PRKAG2: variants seen among roughly 807,000 people sequenced by gnomAD.
PRKAG2 encodes the protein 5'-AMP-activated protein kinase subunit gamma-2.
A neutral mutation model predicts 69.6 loss-of-function variants in PRKAG2; 26 were observed. The observed-to-expected ratio is 0.37, with a 90% confidence interval of 0.27 to 0.52. The LOEUF (loss-of-function observed/expected upper bound fraction) is 0.52, where lower values mean the gene tolerates loss of function less well. Ranked by LOEUF, PRKAG2 falls within the 20% of genes least tolerant of loss-of-function variation. PRKAG2 has a pLI of 0.90. For synonymous variants in PRKAG2, 293 were observed against 285.0 expected (o/e 1.03, Z -0.28); for missense variants, 557 against 740.0 (o/e 0.75, Z 2.87).
intron 3 of PRKAG2, among the ~76,000 whole-genome samples, chr7:151,765,613 A>G (rs1178619989): frequency 6.6e-6 from 1 of 152,178 alleles, no homozygotes; most frequent in African/African-American, 2.4e-5. Flanking sequence ...GACACCAGTC[A>G]TTCTGGACTG....
chr7:151,710,343 C>G (rs55791829), intron 3 of PRKAG2, among the ~76,000 whole-genome samples: 31,940 of 152,168 alleles, frequency 0.21, 3,882 homozygotes, highest in Non-Finnish European at 0.28. Flanking sequence ...TCTCGCCCCC[C>G]GCCCTGAGGC....
intron 1 of PRKAG2, among the ~76,000 whole-genome samples, chr7:151,861,527 C>CAAAAAAAAAAAA (rs1563762540): frequency 3.3e-5 from 2 of 60,392 alleles, no homozygotes; most frequent in Admixed American, 1.8e-4. Flanking sequence ...GACTCTGTCT[C>CAAAAAAAAAAAA]CAAAAAAAAA....
intron 5 of PRKAG2, among the ~76,000 whole-genome samples, chr7:151,616,630 G>A (rs748806099): frequency 5.3e-5 from 8 of 152,252 alleles, no homozygotes; most frequent in Non-Finnish European, 1.0e-4. Context: ...CCGCCCTGCA[G>A]GAGTGTTTGG....
chr7:151,789,471 A>G (rs1224412903), intron 1 of PRKAG2, among the ~76,000 whole-genome samples: 1 of 152,050 alleles, frequency 6.6e-6, no homozygotes, highest in Non-Finnish European at 1.5e-5. Context: ...TATTGTCCAA[A>G]TTGTTCAGCC....
At position 151,873,182 on chromosome 7, in the gene PRKAG2, A is replaced by G. The variant is rs114278629; in HGVS notation, c.114+3325T>C. Among the ~76,000 whole-genome samples, 708 of 152,266 alleles carry G rather than the reference A, an allele frequency of 4.6e-3. 5 individuals are homozygous for G. The highest frequency in any genetic ancestry group is 0.016 in the African/African-American group (679 of 41,536). On this transcript the variant is annotated intron_variant, in intron 1 of 15. Coordinates refer to ENST00000287878, the MANE Select transcript of PRKAG2 (RefSeq NM_016203.4). ...CTAGCTCTCAAACCCTTTCGCCAGG[A>G]GGCGTGGCTCTTCACCTGGAAGCAG...
intron 1 of PRKAG2, among the ~76,000 whole-genome samples, chr7:151,802,181 A>T (rs1368139661): frequency 6.6e-6 from 1 of 152,250 alleles, no homozygotes; most frequent in Non-Finnish European, 1.5e-5. Context: ...CTAGAGCCAG[A>T]GGACCGTCCC....
intron 3 of PRKAG2, among the ~76,000 whole-genome samples, chr7:151,757,235 T>C (rs1196226650): frequency 6.6e-6 from 1 of 152,208 alleles, no homozygotes; most frequent in African/African-American, 2.4e-5. Flanking sequence ...ACAAAACCTT[T>C]GGCATTTTAT....
chr7:151,641,563 A>G (rs1031136046), intron 4 of PRKAG2, among the ~76,000 whole-genome samples: 6 of 146,116 alleles, frequency 4.1e-5, no homozygotes, highest in African/African-American at 1.3e-4. Flanking sequence ...TTTCTTTTTT[A>G]AGAGACTGGG....
In PRKAG2 at chr7:151,860,897, C is replaced by T. The variant is rs78986229; in HGVS notation, c.114+15610G>A. ...TGTGGTAGAGGGAGGTGCAGGCAGA[C>T]GAGACTCCAAGGACCCTAAAGTCCC... is the stretch of plus-strand genomic sequence containing the variant. On this transcript the variant is annotated intron_variant, in intron 1 of 15. Coordinates refer to ENST00000287878, the MANE Select transcript of PRKAG2 (RefSeq NM_016203.4). 2.4e-4 allele frequency among the ~76,000 whole-genome samples: 36 copies of T among 152,168 alleles called. No individual in the cohort carries two copies. The East Asian group carries it at 5.8e-3, about 25-fold the overall frequency.
At chr7:151,837,904 GCAGA>G (rs1563742657) in intron 1 of PRKAG2, among the ~76,000 whole-genome samples, 2 of 152,170 alleles carry the variant, frequency 1.3e-5, no homozygotes, top group Admixed American at 6.5e-5. Context: ...CGGGATCTGA[GCAGA>G]CAGTCACTCC....
intron 3 of PRKAG2, among the ~76,000 whole-genome samples, chr7:151,776,824 G>C (rs1255753878): frequency 6.6e-6 from 1 of 152,200 alleles, no homozygotes; most frequent in East Asian, 1.9e-4. Flanking sequence ...GTGGATTAGG[G>C]GCACAGGGGT....
Position 151,556,616 on chromosome 7 carries a change from T to C in PRKAG2, c.*585A>G, listed in dbSNP as rs1320625964. On this transcript the variant is annotated 3_prime_UTR_variant, in exon 16 of 16. Coordinates refer to ENST00000287878, the MANE Select transcript of PRKAG2 (RefSeq NM_016203.4). ...TGAAAGTAAAAATAAATAAAGCTGT[T>C]GTAAAGCAGCCTCGTTGACACGGTA... The C allele has an allele frequency of 6.6e-6, 1 of 152,580 alleles. No individual in the cohort carries two copies. The highest frequency in any genetic ancestry group is 2.4e-5 in the African/African-American group (1 of 41,474). The allele number at this position is 152,580 out of a possible 1,614,324, so 9.5% of individuals were successfully genotyped here.
intron 1 of PRKAG2, among the ~76,000 whole-genome samples, chr7:151,821,924 C>T (rs1449753569): frequency 1.3e-5 from 2 of 152,186 alleles, no homozygotes; most frequent in East Asian, 1.9e-4. Flanking sequence ...CACACATACA[C>T]ACACGCGCAC....
chr7:151,676,393 G>A (rs1490554912), intron 3 of PRKAG2, among the ~76,000 whole-genome samples: 2 of 152,140 alleles, frequency 1.3e-5, no homozygotes, highest in African/African-American at 4.8e-5. Flanking sequence ...TTCAGGGAAA[G>A]GGTGGGACTG....
intron 1 of PRKAG2, chr7:151,810,256 C>T (rs978124980): frequency 6.6e-6 from 1 of 152,186 alleles, no homozygotes. Flanking sequence ...ACTTGGCCAA[C>T]GCAGCTTGCA....
chr7:151,793,644 T>C (rs2077364129), intron 1 of PRKAG2, among the ~76,000 whole-genome samples: 1 of 152,230 alleles, frequency 6.6e-6, no homozygotes, highest in Non-Finnish European at 1.5e-5. Flanking sequence ...GAGTGGTGAC[T>C]GTGGCCTGGA....
chr7:151,776,245 C>T (rs922282904), intron 3 of PRKAG2, among the ~76,000 whole-genome samples: 1 of 152,202 alleles, frequency 6.6e-6, no homozygotes, highest in South Asian at 2.1e-4. Flanking sequence ...GAAGCCATGC[C>T]CCCACCCCAA....
At chr7:151,827,745 TA>T (rs55685618) in intron 1 of PRKAG2, among the ~76,000 whole-genome samples, 3,535 of 51,910 alleles carry the variant, frequency 0.068, 91 homozygotes, top group African/African-American at 0.13. Context: ...TGGCCTTAGG[TA>T]AAAAAAAAAA....
At chr7:151,646,647 G>A (rs372171796) in intron 4 of PRKAG2, among the ~76,000 whole-genome samples, 13 of 152,102 alleles carry the variant, frequency 8.5e-5, no homozygotes, top group Admixed American at 3.9e-4. Flanking sequence ...GCAATTCCCC[G>A]ATACTGTATA....
Sources: allele counts gnomAD v4.1 joint callset (sites outside exome capture counted in the v4.1 genomes callset), GRCh38; gene constraint gnomAD v4.1.1; transcripts MANE v1.5; gene names NCBI Gene and HGNC (gene_info 2026-07-23, HGNC 2026-07-21).